Variants in MBNL2 observed in about 807,000 individuals in gnomAD.
The protein encoded by MBNL2 is muscleblind-like protein 2.
MBNL2 carries 17 observed loss-of-function variants against 41.9 expected under a neutral mutation model. The ratio of observed to expected loss-of-function variants is 0.41; its 90% CI spans 0.28 to 0.61. The LOEUF is 0.61. Ranked by LOEUF, MBNL2 falls within the 20% of genes least tolerant of loss-of-function variation. The probability of loss-of-function intolerance (pLI) is 0.35; values close to 1 mark genes in which losing one functional copy is unlikely to be tolerated. For missense variants in MBNL2, 336 were observed against 505.6 expected (o/e 0.66, Z 3.22); for synonymous variants, 195 against 182.9 (o/e 1.07, Z -0.53).
At chr13:97,356,042 G>C (rs2062951415) in intron 5 of MBNL2, among the ~76,000 whole-genome samples, 1 of 152,200 alleles carries the variant, frequency 6.6e-6, no homozygotes, top group Non-Finnish European at 1.5e-5. Flanking sequence ...TTAGAAACAA[G>C]ATGATGGAAT....
At chr13:97,219,845 G>A (rs2040707868), upstream of MBNL2, among the ~76,000 whole-genome samples, 1 of 152,112 alleles carries the variant, frequency 6.6e-6, no homozygotes, top group African/African-American at 2.4e-5. Flanking sequence ...AGGTTTGAAG[G>A]GGTCAAGAAT....
chr13:97,321,013 C>T (rs2059453977), intron 2 of MBNL2, among the ~76,000 whole-genome samples: 1 of 152,142 alleles, frequency 6.6e-6, no homozygotes, highest in Admixed American at 6.5e-5. Context: ...TTTATAAGGA[C>T]ACCAGTCATA....
chr13:97,233,461 A>C (rs532945284), intron 1 of MBNL2, among the ~76,000 whole-genome samples: 17 of 150,886 alleles, frequency 1.1e-4, no homozygotes, highest in Non-Finnish European at 1.5e-4. Context: ...CTCTCTTCGA[A>C]GTCTGTACCT....
At chr13:97,285,679 T>C (rs1466796710) in intron 2 of MBNL2, among the ~76,000 whole-genome samples, 1 of 152,190 alleles carries the variant, frequency 6.6e-6, no homozygotes, top group East Asian at 1.9e-4. Context: ...CAAATACATA[T>C]TGATCACGTG....
At chr13:97,298,569 C>T (rs1035707080) in intron 2 of MBNL2, among the ~76,000 whole-genome samples, 4 of 152,340 alleles carry the variant, frequency 2.6e-5, no homozygotes, top group South Asian at 2.1e-4. Context: ...CCCAAGTTAA[C>T]CCATGCTGTT....
chr13:97,204,498 A>G, the MBNL2 span, among the ~76,000 whole-genome samples: 1 of 152,224 alleles, frequency 6.6e-6, no homozygotes, highest in Admixed American at 6.5e-5. Flanking sequence ...TATTACCTAT[A>G]TCAGGAACTC....
intron 8 of MBNL2, among the ~76,000 whole-genome samples, chr13:97,374,929 G>T (rs1314749965): frequency 6.6e-6 from 1 of 152,128 alleles, no homozygotes; most frequent in Non-Finnish European, 1.5e-5. Flanking sequence ...CATTTTCAAG[G>T]GATGAACAAC....
In MBNL2 at chr13:97,351,349, A is replaced by C. The variant is rs575053222; in HGVS notation, c.804+4282A>C. Among the ~76,000 whole-genome samples the C allele has an allele frequency of 9.8e-5, 15 of 152,314 alleles. No individual in the cohort carries two copies. The South Asian group carries it at 2.9e-3, about 29-fold the overall frequency. The stretch of plus-strand genomic sequence containing the variant: ...GGGCCCTAGAATTTTCAGAATGGTA[A>C]ATGAGCATTGGCTTCAATTTAAATT... On this transcript the variant is annotated intron_variant, in intron 5 of 8. Transcript: ENST00000679496.
chr13:97,321,016 C>T (rs1311229444), intron 2 of MBNL2, among the ~76,000 whole-genome samples: 1 of 152,080 alleles, frequency 6.6e-6, no homozygotes, highest in Admixed American at 6.5e-5. Flanking sequence ...ATAAGGACAC[C>T]AGTCATACTG....
At chr13:97,238,856 G>A (rs1317735924) in intron 1 of MBNL2, among the ~76,000 whole-genome samples, 1 of 152,172 alleles carries the variant, frequency 6.6e-6, no homozygotes, top group Non-Finnish European at 1.5e-5. Flanking sequence ...ATGAGCTGAG[G>A]CCACTGGGAA....
chr13:97,159,847 A>G, the MBNL2 span, among the ~76,000 whole-genome samples: 3 of 150,748 alleles, frequency 2.0e-5, no homozygotes, highest in Non-Finnish European at 4.4e-5. Flanking sequence ...CTTCATTTCA[A>G]CTTTGGTGAA....
intron 1 of MBNL2, among the ~76,000 whole-genome samples, chr13:97,247,974 G>T (rs1040036588): frequency 6.6e-6 from 1 of 152,064 alleles, no homozygotes; most frequent in Non-Finnish European, 1.5e-5. Context: ...ACCTTGTTCT[G>T]GTTTAGTGTT....
At position 97,389,251 on chromosome 13, in the gene MBNL2, T is replaced by C. The variant is rs183905859; in HGVS notation, c.1049-2071T>C. Among the ~76,000 whole-genome samples, 3 of 152,330 alleles carry C rather than the reference T, an allele frequency of 2.0e-5. No individual in the cohort carries two copies. In the East Asian group the frequency reaches 5.8e-4, roughly 29 times the overall value. On this transcript the variant is annotated intron_variant, in intron 8 of 8. Transcript: ENST00000679496. ...GTTCAAAGCCTTGCCATAGGTAACT[T>C]CCATAACCCACGTTTGCCCATTCTA... is the stretch of plus-strand genomic sequence containing the variant.
upstream of MBNL2, among the ~76,000 whole-genome samples, chr13:97,221,253 T>G (rs1020466725): frequency 6.6e-6 from 1 of 151,986 alleles, no homozygotes; most frequent in Non-Finnish European, 1.5e-5. Flanking sequence ...TCATCATACT[T>G]TTTTTTTCTC....
upstream of MBNL2, among the ~76,000 whole-genome samples, chr13:97,220,541 C>T (rs1249074778): frequency 6.6e-6 from 1 of 152,146 alleles, no homozygotes; most frequent in Non-Finnish European, 1.5e-5. Context: ...ATTATGAAGG[C>T]CCTTGAAAGT....
chr13:97,171,593 A>C, the MBNL2 span, among the ~76,000 whole-genome samples: 1 of 152,228 alleles, frequency 6.6e-6, no homozygotes, highest in Non-Finnish European at 1.5e-5. Flanking sequence ...AAACCAAGCC[A>C]AATATATGCC....
the MBNL2 span, among the ~76,000 whole-genome samples, chr13:97,180,755 A>AT: frequency 0.095 from 14,339 of 151,430 alleles, 808 homozygotes; most frequent in South Asian, 0.17. Flanking sequence ...AAAAAAAAAA[A>AT]AAAAAAAAAC....
intron 4 of MBNL2, among the ~76,000 whole-genome samples, chr13:97,345,712 A>G (rs2061778820): frequency 6.6e-6 from 1 of 152,100 alleles, no homozygotes; most frequent in Non-Finnish European, 1.5e-5. Flanking sequence ...TTTGTAGAGC[A>G]GGAGAGAAGG....
intron 2 of MBNL2, among the ~76,000 whole-genome samples, chr13:97,320,826 A>G (rs1313764397): frequency 6.6e-6 from 1 of 151,978 alleles, no homozygotes; most frequent in African/African-American, 2.4e-5. Context: ...GAGGCAGGAG[A>G]ATCGCTTGAA....
Sources: gnomAD v4.1 joint callset for allele counts (sites outside exome capture counted in the v4.1 genomes callset) on GRCh38, gnomAD v4.1.1 for gene constraint, MANE v1.5 for transcripts, NCBI Gene and HGNC (gene_info 2026-07-23, HGNC 2026-07-21) for gene names.